Variants in CDS2 observed in about 807,000 individuals in gnomAD.
CDS2 encodes the protein phosphatidate cytidylyltransferase 2.
Under a neutral mutation model 59.0 loss-of-function variants are expected in CDS2, and 47 were observed. The observed-to-expected ratio is 0.80, with a 90% CI of 0.63 to 1.02. CDS2 has a LOEUF of 1.02. CDS2 is among the 50% of genes least tolerant of loss of function. The pLI is 0.00. For missense variants in CDS2, 356 were observed against 558.9 expected (o/e 0.64, Z 3.66); for synonymous variants, 207 against 206.4 (o/e 1.00, Z -0.02).
intron 1 of CDS2, among the ~76,000 whole-genome samples, chr20:5,162,463 T>A (rs1024522336): frequency 6.6e-6 from 1 of 152,172 alleles, no homozygotes; most frequent in Non-Finnish European, 1.5e-5. Flanking sequence ...TGCTGTCAAC[T>A]GATTGACTAG....
intron 1 of CDS2, among the ~76,000 whole-genome samples, chr20:5,153,162 A>G (rs2090806036): frequency 6.6e-6 from 1 of 152,224 alleles, no homozygotes; most frequent in Non-Finnish European, 1.5e-5. Context: ...GCATGCACAG[A>G]TCACTTGGAA....
intron 1 of CDS2, among the ~76,000 whole-genome samples, chr20:5,162,567 G>C (rs2090883173): frequency 6.6e-6 from 1 of 152,162 alleles, no homozygotes. Flanking sequence ...CTTTCTCGTG[G>C]AGATGTCAGT....
chr20:5,139,061 G>T (rs1272284208), intron 1 of CDS2, among the ~76,000 whole-genome samples: 1 of 152,160 alleles, frequency 6.6e-6, no homozygotes, highest in Admixed American at 6.5e-5. Context: ...AGACACACAG[G>T]CTGGGCGTGG....
chr20:5,163,829 C>T lies in CDS2; in HGVS notation c.58-9694C>T, dbSNP rs1449887688. Reference sequence around the variant, plus strand: ...TTTTTGAAGCAGAGTCTAGCTCTGTCGCCCAGGCTGGAAAGCAGTGGTGCA... The same window carrying T: ...TTTTTGAAGCAGAGTCTAGCTCTGTTGCCCAGGCTGGAAAGCAGTGGTGCA... On this transcript the variant is annotated intron_variant, in intron 1 of 12. Coordinates refer to ENST00000460006, the MANE Select transcript of CDS2 (RefSeq NM_003818.4). Among the ~76,000 whole-genome samples the T allele has an allele frequency of 4.1e-5, 6 of 145,082 alleles. No homozygotes were observed. The South Asian group carries it at 6.5e-4, about 16-fold the overall frequency.
At chr20:5,153,813 C>T (rs966549540) in intron 1 of CDS2, among the ~76,000 whole-genome samples, 2 of 152,142 alleles carry the variant, frequency 1.3e-5, no homozygotes, top group South Asian at 2.1e-4. Flanking sequence ...CCTGATCTTA[C>T]CATTCTTAAG....
At chr20:5,180,577 G>T (rs1242956469) in intron 5 of CDS2, among the ~76,000 whole-genome samples, 1 of 152,036 alleles carries the variant, frequency 6.6e-6, no homozygotes, top group East Asian at 1.9e-4. Context: ...CTTGATTTTG[G>T]AGGGGTTTGG....
Position 5,179,341 on chromosome 20 carries a change from C to T in CDS2, c.529+385C>T, listed in dbSNP as rs943723702. Among the ~76,000 whole-genome samples, 11 of 152,300 alleles carry T rather than the reference C, an allele frequency of 7.2e-5. No homozygotes were observed. In the South Asian group the frequency reaches 1.0e-3, roughly 14 times the overall value. ...TTCGCCATGTTGGCCAGGCTGGTTC[C>T]GAACTCCCGAGTTTAACTTATCCGC... is the stretch of plus-strand genomic sequence containing the variant. On this transcript the variant is annotated intron_variant, in intron 5 of 12. Transcript: ENST00000460006.
chr20:5,127,504 TAGGG>T (rs1204586286), intron 1 of CDS2, among the ~76,000 whole-genome samples: 6 of 152,222 alleles, frequency 3.9e-5, no homozygotes, highest in African/African-American at 1.4e-4. Flanking sequence ...AGAGCCTTCT[TAGGG>T]AGGCGGCTCC....
At chr20:5,187,951 A>G (rs1600518186) in intron 10 of CDS2, 3 of 152,280 alleles carry the variant, frequency 2.0e-5, no homozygotes, top group African/African-American at 7.2e-5. Context: ...TGGCTTTCAA[A>G]TGAAAATTAG....
chr20:5,128,802 A>G (rs1433969456), intron 1 of CDS2: 4 of 152,230 alleles, frequency 2.6e-5, no homozygotes, highest in African/African-American at 9.7e-5. Context: ...GGGTGAGATC[A>G]TGCTTGATGT....
At chr20:5,188,994 C>T in intron 10 of CDS2, 73 bp from the exon 11 acceptor site, 1 of 1,582,764 alleles carries the variant, frequency 6.3e-7, no homozygotes, top group Non-Finnish European at 8.7e-7. Context: ...CAAATTTCAA[C>T]ATGAGTTGAC....
rs1201349008 is a variant in CDS2, at chr20:5,184,601, A to G, written c.672-257A>G. Among the ~76,000 whole-genome samples the G allele has an allele frequency of 6.6e-6, 1 of 152,206 alleles. No homozygotes were observed. The highest frequency in any genetic ancestry group is 2.4e-5 in the African/African-American group (1 of 41,452). ...TGTTTACGTATATTTCTTTATCATG[A>G]AAAAAGGACAGATGACCTTTTAGTT... On this transcript the variant is annotated intron_variant, in intron 7 of 12. Coordinates refer to ENST00000460006, the MANE Select transcript of CDS2 (RefSeq NM_003818.4). The surrounding 1 kb of genome is among the most constrained non-coding windows in gnomAD (Gnocchi z 4.3).
intron 1 of CDS2, chr20:5,168,570 A>T (rs764482952): frequency 7.7e-6 from 4 of 517,490 alleles, no homozygotes; most frequent in Non-Finnish European, 1.5e-5. Flanking sequence ...GACCATCACT[A>T]CTTTGGGTGT....
At chr20:5,177,358 A>G (rs1040075582) in intron 4 of CDS2, among the ~76,000 whole-genome samples, 2 of 151,984 alleles carry the variant, frequency 1.3e-5, no homozygotes, top group African/African-American at 4.8e-5. Flanking sequence ...TTTGAGCCCT[A>G]CTTCATCAGA....
In CDS2 at chr20:5,196,527, T is replaced by C. The variant is rs1161514473; in HGVS notation, c.*6293T>C. On this transcript the variant is annotated 3_prime_UTR_variant, in exon 13 of 13. Transcript: ENST00000460006. ...GTTAGCCACCTGGTGATTTTGTCTC[T>C]AGTGAAACTGTGTTTGCCGATAATC... The C allele has an allele frequency of 6.6e-6, 1 of 152,260 alleles. No individual in the cohort carries two copies. The highest frequency in any genetic ancestry group is 1.5e-5 in the Non-Finnish European group (1 of 68,076). The allele number at this position is 152,260 out of a possible 1,614,324, so 9.4% of individuals were successfully genotyped here.
intron 1 of CDS2, among the ~76,000 whole-genome samples, chr20:5,167,371 T>C (rs2123027362): frequency 6.6e-6 from 1 of 152,340 alleles, no homozygotes. Context: ...ATGGCCATAC[T>C]GGGGATGACT....
At chr20:5,170,409 A>G (rs2090947376) in intron 1 of CDS2, among the ~76,000 whole-genome samples, 1 of 152,142 alleles carries the variant, frequency 6.6e-6, no homozygotes, top group South Asian at 2.1e-4. Context: ...GTCTCCAAGC[A>G]GAATGCCTTT....
intron 1 of CDS2, among the ~76,000 whole-genome samples, chr20:5,133,092 G>A (rs961537714): frequency 2.6e-5 from 4 of 151,826 alleles, no homozygotes; most frequent in African/African-American, 7.3e-5. Flanking sequence ...GCGTGATGGC[G>A]TGAACCCGGG....
At chr20:5,150,859 A>G (rs2090783489) in intron 1 of CDS2, among the ~76,000 whole-genome samples, 1 of 152,232 alleles carries the variant, frequency 6.6e-6, no homozygotes. Context: ...TGTAGCTCCC[A>G]CGTGATTCAG....
Sources: allele counts gnomAD v4.1 joint callset (sites outside exome capture counted in the v4.1 genomes callset), GRCh38; gene constraint gnomAD v4.1.1; non-coding constraint Gnocchi (gnomAD v3.1); transcripts MANE v1.5; gene names NCBI Gene and HGNC (gene_info 2026-07-23, HGNC 2026-07-21).